PLXNA2: variants seen among roughly 807,000 people sequenced by gnomAD.
The protein encoded by PLXNA2 is plexin-A2.
In PLXNA2, 91 loss-of-function variants were observed where a neutral mutation model predicts 193.5. That is an observed-to-expected ratio of 0.47 (90% confidence interval 0.40 to 0.56). The LOEUF (loss-of-function observed/expected upper bound fraction) is 0.56, where lower values mean the gene tolerates loss of function less well. PLXNA2 is among the 20% of genes least tolerant of loss of function. The pLI is 0.00. For synonymous variants in PLXNA2, 997 were observed against 1,027.3 expected (o/e 0.97, Z 0.56); for missense variants, 1,995 against 2,503.2 (o/e 0.80, Z 4.33).
intron 2 of PLXNA2, 71 bp downstream of exon 2, chr1:208,216,664 C>G: frequency 6.6e-7 from 1 of 1,526,482 alleles, no homozygotes; most frequent in South Asian, 1.3e-5. Flanking sequence ...CAGATGTGCC[C>G]CAGGGCATGG....
At chr1:208,212,822 G>A (rs1191389987) in intron 2 of PLXNA2, among the ~76,000 whole-genome samples, 1 of 152,186 alleles carries the variant, frequency 6.6e-6, no homozygotes, top group Non-Finnish European at 1.5e-5. Flanking sequence ...ACTACACGCA[G>A]CTACTGCCCT....
At chr1:208,088,071 A>G (rs1158392203) in intron 9 of PLXNA2, among the ~76,000 whole-genome samples, 2 of 152,192 alleles carry the variant, frequency 1.3e-5, no homozygotes, top group Non-Finnish European at 2.9e-5. Context: ...CAGCCTTCTG[A>G]GTGATCTCTT....
intron 1 of PLXNA2, among the ~76,000 whole-genome samples, chr1:208,232,340 G>A (rs930562487): frequency 6.6e-6 from 1 of 152,200 alleles, no homozygotes; most frequent in South Asian, 2.1e-4. Context: ...GCCCAAGAGT[G>A]CAGAAGGCTC....
intron 9 of PLXNA2, among the ~76,000 whole-genome samples, chr1:208,091,856 G>A (rs866990132): frequency 6.2e-5 from 8 of 129,746 alleles, no homozygotes; most frequent in East Asian, 2.3e-4. Context: ...GCGATAGAGC[G>A]AGACTTCATA....
intron 5 of PLXNA2, among the ~76,000 whole-genome samples, chr1:208,099,911 G>A (rs541602615): frequency 6.1e-4 from 93 of 152,136 alleles, no homozygotes; most frequent in Admixed American, 1.4e-3. Context: ...TGAGACCACA[G>A]AGTGAGGGCA....
chr1:208,203,605 G>A lies in PLXNA2; in HGVS notation c.1371+6675C>T, dbSNP rs530936761. 4.6e-5 allele frequency among the ~76,000 whole-genome samples: 7 copies of A among 152,238 alleles called. No individual in the cohort carries two copies. In the East Asian group the frequency reaches 5.8e-4, roughly 13 times the overall value. ...TTTCATCCAACTTGGCCTTCCATCC[G>A]CCAAGGCAACTCCACCCCACGAGAG... On this transcript the variant is annotated intron_variant, in intron 3 of 31. Transcript: ENST00000367033.
intron 4 of PLXNA2, among the ~76,000 whole-genome samples, chr1:208,109,618 C>T (rs1667396962): frequency 6.6e-6 from 1 of 152,228 alleles, no homozygotes; most frequent in South Asian, 2.1e-4. Context: ...TTCACTGGAT[C>T]TACTGAGAAA....
intron 3 of PLXNA2, among the ~76,000 whole-genome samples, chr1:208,188,732 A>G (rs1037722285): frequency 1.3e-5 from 2 of 152,052 alleles, no homozygotes; most frequent in African/African-American, 4.8e-5. Context: ...AAAAAGAAAA[A>G]AAATGGAGCT....
intron 1 of PLXNA2, among the ~76,000 whole-genome samples, chr1:208,233,703 G>T (rs935925578): frequency 6.6e-6 from 1 of 152,248 alleles, no homozygotes; most frequent in African/African-American, 2.4e-5. Context: ...AGCACAGTTT[G>T]CAGGCAGCTG....
intron 12 of PLXNA2, among the ~76,000 whole-genome samples, chr1:208,075,432 G>C (rs910418873): frequency 6.6e-6 from 1 of 152,122 alleles, no homozygotes; most frequent in South Asian, 2.1e-4. Context: ...CTATTGAAAG[G>C]TACATGAGGT....
rs1672029267 is a variant in PLXNA2, at chr1:208,240,881, C to T, written c.-81+2762G>A. On this transcript the variant is annotated intron_variant, in intron 1 of 31. Transcript: ENST00000367033. ...ACAGCTGTGTGGCAATGCAGGGAGACAGCTGGTGGTGGTGGGGAGGTGCTG... is the reference window on the plus strand; with the variant it reads ...ACAGCTGTGTGGCAATGCAGGGAGATAGCTGGTGGTGGTGGGGAGGTGCTG... Among the ~76,000 whole-genome samples, 3 of 152,122 alleles carry T rather than the reference C, an allele frequency of 2.0e-5. No individual in the cohort carries two copies. In the South Asian group the frequency reaches 6.2e-4, roughly 32 times the overall value.
chr1:208,124,686 A>G (rs1249923680), intron 4 of PLXNA2, among the ~76,000 whole-genome samples: 2 of 151,084 alleles, frequency 1.3e-5, no homozygotes, highest in East Asian at 3.9e-4. Context: ...TCTCAAAAAA[A>G]AAAAAAAAAA....
At chr1:208,166,877 A>T (rs1022275947) in intron 3 of PLXNA2, among the ~76,000 whole-genome samples, 3 of 152,194 alleles carry the variant, frequency 2.0e-5, no homozygotes, top group African/African-American at 7.2e-5. Flanking sequence ...TGGCTTAGGC[A>T]TAGCACTCCT....
intron 1 of PLXNA2, among the ~76,000 whole-genome samples, chr1:208,221,614 C>T (rs908765449): frequency 3.9e-5 from 6 of 152,076 alleles, no homozygotes; most frequent in African/African-American, 1.2e-4. Flanking sequence ...GAGGTTTGCA[C>T]CCCACCTTGG....
intron 3 of PLXNA2, among the ~76,000 whole-genome samples, chr1:208,205,010 T>C (rs1670672179): frequency 6.6e-6 from 1 of 152,194 alleles, no homozygotes; most frequent in Non-Finnish European, 1.5e-5. Flanking sequence ...TGAGGAGCCC[T>C]GCAGGGATGT....
At position 208,066,540 on chromosome 1, in the gene PLXNA2, A is replaced by C. The variant is rs112176231; in HGVS notation, c.2587-5703T>G. On this transcript the variant is annotated intron_variant, in intron 12 of 31. Coordinates refer to ENST00000367033, the MANE Select transcript of PLXNA2 (RefSeq NM_025179.4). ...TTGTGGCAGTCATAAGTCATAGGAAAGCCTAGCATATACAATTATGTACAG... is the reference window on the plus strand; with the variant it reads ...TTGTGGCAGTCATAAGTCATAGGAACGCCTAGCATATACAATTATGTACAG... Among the ~76,000 whole-genome samples the C allele has an allele frequency of 7.2e-3, 1,100 of 152,372 alleles. 10 individuals are homozygous for C. Among genetic ancestry groups the C allele is most frequent in the Middle Eastern group, 0.034 (10 of 294 alleles).
chr1:208,164,358 G>A (rs935007899), intron 3 of PLXNA2, among the ~76,000 whole-genome samples: 19 of 152,172 alleles, frequency 1.2e-4, no homozygotes, highest in Non-Finnish European at 7.3e-5. Flanking sequence ...CCTGAACCCT[G>A]TTCAGGACTC....
intron 3 of PLXNA2, among the ~76,000 whole-genome samples, chr1:208,198,068 C>T (rs959099769): frequency 6.6e-5 from 10 of 152,166 alleles, no homozygotes; most frequent in Admixed American, 2.0e-4. Context: ...AATAGCAATC[C>T]TAATTATATG....
At chr1:208,040,168 C>A in intron 22 of PLXNA2, 110 bp from the exon 23 acceptor site, 1 of 859,024 alleles carries the variant, frequency 1.2e-6, no homozygotes. Flanking sequence ...TGGGAGAACG[C>A]AGGGCGGGAG....
Sources: allele counts gnomAD v4.1 joint callset (sites outside exome capture counted in the v4.1 genomes callset), GRCh38; gene constraint gnomAD v4.1.1; transcripts MANE v1.5; gene names NCBI Gene and HGNC (gene_info 2026-07-23, HGNC 2026-07-21).